SOX5: variants seen among roughly 807,000 people sequenced by gnomAD.
SOX5 encodes SRY-box transcription factor 5.
A neutral mutation model predicts 92.0 loss-of-function variants in SOX5; 9 were observed. That is an observed-to-expected ratio of 0.10 (90% CI 0.06 to 0.17). SOX5 has a LOEUF of 0.17. Ranked by LOEUF, SOX5 falls within the 10% of genes least tolerant of loss-of-function variation. The pLI is 1.00. For synonymous variants in SOX5, 344 were observed against 336.3 expected, an observed-to-expected ratio of 1.02 and a Z score of -0.25; for missense variants, 642 against 944.5, an observed-to-expected ratio of 0.68 and a Z score of 4.20.
chr12:24,424,459 A>G (rs551216009), intron 1 of SOX5, among the ~76,000 whole-genome samples: 1 of 152,214 alleles, frequency 6.6e-6, no homozygotes, highest in Non-Finnish European at 1.5e-5. Flanking sequence ...GTTAGTTTTT[A>G]TGGCATATAC....
intron 2 of SOX5, among the ~76,000 whole-genome samples, chr12:24,313,441 G>A (rs1949393257): frequency 6.6e-6 from 1 of 152,066 alleles, no homozygotes; most frequent in African/African-American, 2.4e-5. Flanking sequence ...GAGGTGGAAG[G>A]ATCACTTGAG....
chr12:24,226,119 C>T (rs1961895264), intron 3 of SOX5, among the ~76,000 whole-genome samples: 1 of 152,126 alleles, frequency 6.6e-6, no homozygotes, highest in South Asian at 2.1e-4. Context: ...TATCTAACAT[C>T]TCAGATATGT....
At chr12:23,579,978 AAAGT>A (rs1217564769) in intron 9 of SOX5, among the ~76,000 whole-genome samples, 2 of 152,096 alleles carry the variant, frequency 1.3e-5, no homozygotes, top group Non-Finnish European at 2.9e-5. Context: ...ATTTATACAC[AAAGT>A]AAGAGTTAAG....
chr12:24,329,499 G>C (rs2140970623), intron 2 of SOX5, among the ~76,000 whole-genome samples: 1 of 152,208 alleles, frequency 6.6e-6, no homozygotes, highest in African/African-American at 2.4e-5. Context: ...TCAACATCTG[G>C]AGATTACAAT....
chr12:23,800,664 A>G (rs2095644077), intron 3 of SOX5, among the ~76,000 whole-genome samples: 1 of 152,140 alleles, frequency 6.6e-6, no homozygotes, highest in Non-Finnish European at 1.5e-5. Context: ...TACACCTGTC[A>G]TATTAAATGC....
intron 7 of SOX5, among the ~76,000 whole-genome samples, chr12:23,646,704 T>A (rs1163377344): frequency 6.6e-6 from 1 of 152,218 alleles, no homozygotes; most frequent in Non-Finnish European, 1.5e-5. Flanking sequence ...AGAAGTAGAA[T>A]TAATTTCAAG....
chr12:24,116,271 A>G (rs1377203501), intron 4 of SOX5, among the ~76,000 whole-genome samples: 1 of 152,160 alleles, frequency 6.6e-6, no homozygotes, highest in Non-Finnish European at 1.5e-5. Context: ...AACTGTTCTC[A>G]AAATAATATT....
intron 4 of SOX5, among the ~76,000 whole-genome samples, chr12:24,076,070 T>C (rs980336632): frequency 6.6e-6 from 1 of 152,200 alleles, no homozygotes; most frequent in Non-Finnish European, 1.5e-5. Context: ...AAATCCAGCC[T>C]GTAGAATGAG....
chr12:24,212,506 C>G, intron 4 of SOX5: 1 of 532,296 alleles, frequency 1.9e-6, no homozygotes, highest in Middle Eastern at 3.2e-4. Context: ...GGAGGGGTTA[C>G]AAGGAAGGAA....
chr12:24,324,424 A>T (rs1316101247), intron 2 of SOX5, among the ~76,000 whole-genome samples: 2 of 152,124 alleles, frequency 1.3e-5, no homozygotes, highest in African/African-American at 2.4e-5. Flanking sequence ...TTCGATCTTG[A>T]AATTCTTCTT....
chr12:24,128,983 A>G (rs2138454807), intron 4 of SOX5, among the ~76,000 whole-genome samples: 1 of 152,294 alleles, frequency 6.6e-6, no homozygotes, highest in Admixed American at 6.5e-5. Flanking sequence ...CTTTGTGAAT[A>G]GAAACACTGG....
At chr12:23,612,848 T>C (rs1165954499) in intron 8 of SOX5, among the ~76,000 whole-genome samples, 1 of 152,170 alleles carries the variant, frequency 6.6e-6, no homozygotes, top group East Asian at 1.9e-4. Flanking sequence ...ATTTCAAGGC[T>C]CCATAAGTGT....
chr12:23,707,145 C>G (rs2140303368), intron 6 of SOX5, among the ~76,000 whole-genome samples: 1 of 152,204 alleles, frequency 6.6e-6, no homozygotes, highest in Non-Finnish European at 1.5e-5. Flanking sequence ...AAGTTTTATT[C>G]TATTGAAGGT....
intron 8 of SOX5, among the ~76,000 whole-genome samples, chr12:23,624,383 G>T (rs2077521262): frequency 6.6e-6 from 1 of 151,992 alleles, no homozygotes. Flanking sequence ...AACCTACAGA[G>T]GATTCACACA....
intron 2 of SOX5, among the ~76,000 whole-genome samples, chr12:24,354,824 A>T (rs544333780): frequency 6.6e-5 from 10 of 152,300 alleles, no homozygotes; most frequent in African/African-American, 2.2e-4. Context: ...GGAGCAGTAC[A>T]TTTTTATTTT....
intron 4 of SOX5, among the ~76,000 whole-genome samples, chr12:23,993,978 G>A (rs1950812977): frequency 6.6e-6 from 1 of 152,000 alleles, no homozygotes; most frequent in African/African-American, 2.4e-5. Flanking sequence ...GCTGGGTGTG[G>A]TGGCGTGTGT....
At chr12:24,077,421 G>A (rs1176421211) in intron 4 of SOX5, among the ~76,000 whole-genome samples, 1 of 151,852 alleles carries the variant, frequency 6.6e-6, no homozygotes, top group Non-Finnish European at 1.5e-5. Context: ...ATTATATTGG[G>A]TTTTTCCCAT....
chr12:24,329,037 C>A (rs1951013936), intron 2 of SOX5, among the ~76,000 whole-genome samples: 1 of 152,150 alleles, frequency 6.6e-6, no homozygotes, highest in Non-Finnish European at 1.5e-5. Flanking sequence ...TTTCTCTAAT[C>A]TCTTTTAAAG....
chr12:24,289,084 T>C (rs549989398), intron 2 of SOX5, among the ~76,000 whole-genome samples: 88 of 152,168 alleles, frequency 5.8e-4, no homozygotes, highest in Non-Finnish European at 1.1e-3. Flanking sequence ...AATTAGAGAC[T>C]AGCCTGGGCA....
Sources: allele counts gnomAD v4.1 joint callset (sites outside exome capture counted in the v4.1 genomes callset), GRCh38; gene constraint gnomAD v4.1.1; transcripts MANE v1.5; gene names NCBI Gene and HGNC (gene_info 2026-07-23, HGNC 2026-07-21).